The following KIF1A variants were observed in gnomAD, a reference collection of about 807,000 sequenced individuals.
KIF1A encodes the protein kinesin family member 1A.
In KIF1A, 46 loss-of-function variants were observed where a neutral mutation model predicts 227.3. The ratio of observed to expected loss-of-function variants is 0.20; its 90% CI spans 0.16 to 0.26. The LOEUF is 0.26. KIF1A is among the 10% of genes least tolerant of loss of function. The probability of loss-of-function intolerance (pLI) is 1.00; values close to 1 mark genes in which losing one functional copy is unlikely to be tolerated. For missense variants in KIF1A, 1,683 were observed against 2,485.9 expected (o/e 0.68, Z 6.87); for synonymous variants, 1,022 against 1,012.8 (o/e 1.01, Z -0.17).
intron 1 of KIF1A, among the ~76,000 whole-genome samples, chr2:240,819,158 C>T (rs2058541125): frequency 6.6e-6 from 1 of 152,168 alleles, no homozygotes; most frequent in South Asian, 2.1e-4. Flanking sequence ...GGGATGCTGC[C>T]CCGGCCCTTC....
intron 10 of KIF1A, among the ~76,000 whole-genome samples, chr2:240,780,633 A>G (rs536793463): frequency 6.6e-6 from 1 of 151,608 alleles, no homozygotes; most frequent in African/African-American, 2.4e-5. Context: ...GTTCCCACGC[A>G]GCTACCCTCA....
At chr2:240,794,149 C>T (rs534281563) in intron 2 of KIF1A, among the ~76,000 whole-genome samples, 33 of 152,316 alleles carry the variant, frequency 2.2e-4, no homozygotes, top group Admixed American at 2.0e-3. Context: ...AGGAGAAAAG[C>T]CCATGACCCC....
rs2048572188 is a variant in KIF1A, at chr2:240,746,152, A to C, written c.3089T>G (p.Val1030Gly). 1 of 1,566,138 alleles carries C rather than the reference A, an allele frequency of 6.4e-7. No individual in the cohort carries two copies. The highest frequency in any genetic ancestry group is 1.4e-5 in the African/African-American group (1 of 73,726). The change falls in exon 30 of 49, where the codon GTG becomes GGG. Residue 1030 changes from valine (V) to glycine (G), a missense_variant. Transcript: ENST00000498729. ...GGAGGTTCCCGAGCGGGACATCCCCACCACGGGGCAAGACTCGGACTGGAA... is the reference window on the plus strand; with the variant it reads ...GGAGGTTCCCGAGCGGGACATCCCCCCCACGGGGCAAGACTCGGACTGGAA... ...EKFQSESCPV[V>G]GMSRSGTSQE...
At chr2:240,786,540 G>A (rs2126072176) in intron 5 of KIF1A, 27 bp from the exon 6 acceptor site, 1 of 1,606,178 alleles carries the variant, frequency 6.2e-7, no homozygotes, top group East Asian at 2.2e-5. Context: ...GGCCATCAGG[G>A]GCCCCTGAGG....
chr2:240,735,309 C>T (rs887893373), intron 38 of KIF1A, among the ~76,000 whole-genome samples: 1 of 152,202 alleles, frequency 6.6e-6, no homozygotes, highest in Non-Finnish European at 1.5e-5. Flanking sequence ...ATGTCTCAGC[C>T]CTCAGGGTGT....
At chr2:240,729,089 G>C (rs2046335758) in intron 38 of KIF1A, among the ~76,000 whole-genome samples, 2 of 152,090 alleles carry the variant, frequency 1.3e-5, no homozygotes, top group African/African-American at 4.8e-5. Context: ...CATCATCACT[G>C]TCTGGTACAC....
intron 27 of KIF1A, among the ~76,000 whole-genome samples, chr2:240,755,045 C>G (rs1256407550): frequency 1.3e-5 from 2 of 152,206 alleles, no homozygotes; most frequent in African/African-American, 2.4e-5. Context: ...CTGTGCCCAC[C>G]CACCCTTCCT....
chr2:240,732,023 G>A (rs1382065676), intron 38 of KIF1A, among the ~76,000 whole-genome samples: 2 of 114,990 alleles, frequency 1.7e-5, no homozygotes, highest in African/African-American at 6.8e-5. Flanking sequence ...GAGGGAATGA[G>A]GGGAGGAGGG....
rs1347500667 is a variant in KIF1A at position 240,716,518 on chromosome 2, T to A, written c.*846A>T. 2 of 152,100 alleles carry A rather than the reference T, an allele frequency of 1.3e-5. No individual in the cohort carries two copies. Among genetic ancestry groups the A allele is most frequent in the African/African-American group, 2.4e-5 (1 of 41,346 alleles). The allele number at this position is 152,100 out of a possible 1,614,324, so 9.4% of individuals were successfully genotyped here. A position where few individuals can be genotyped will look rare whatever the true frequency, so the allele number is the denominator to read the frequency against. ...CCTCCTGGTCCCCGCCCAGGACAGATCACAGCCTGGGTGCCGTCTGCCTCA... is the reference window on the plus strand; with the variant it reads ...CCTCCTGGTCCCCGCCCAGGACAGAACACAGCCTGGGTGCCGTCTGCCTCA... On this transcript the variant is annotated 3_prime_UTR_variant, in exon 49 of 49. Coordinates refer to ENST00000498729, the MANE Select transcript of KIF1A (RefSeq NM_001244008.2).
chr2:240,783,641 G>T, intron 8 of KIF1A, 98 bp downstream of exon 8: 1 of 896,454 alleles, frequency 1.1e-6, no homozygotes. Context: ...CCCTCAGGGT[G>T]GCCCAGGCCC....
At chr2:240,735,386 A>ACCAGCTGGAGGACCAGCGGGAGG (rs71049517) in intron 38 of KIF1A, among the ~76,000 whole-genome samples, 28,621 of 152,060 alleles carry the variant, frequency 0.19, 3,028 homozygotes, top group Non-Finnish European at 0.24. Flanking sequence ...AGGTCCAGCC[A>ACCAGCTGGAGGACCAGCGGGAGG]TGAGCCGCTC....
intron 1 of KIF1A, 154 bp from the exon 2 acceptor site, chr2:240,797,966 C>T (rs762759975): frequency 2.2e-5 from 11 of 492,810 alleles, no homozygotes; most frequent in Non-Finnish European, 3.6e-5. Context: ...GAGGAGGCAG[C>T]GCAGATAATT....
In KIF1A at chr2:240,717,392, C is replaced by T; in HGVS notation, c.5348G>A (p.Arg1783Lys). Reference sequence around the variant, plus strand: ...GACCCGCATCTGGGCAGACCTCCTTCTGGAGAGCTTGGACCTGCAGAAGAG... The same window carrying T: ...GACCCGCATCTGGGCAGACCTCCTTTTGGAGAGCTTGGACCTGCAGAAGAG... ...LAGTIRSKLS[R>K]RRSAQMRV Residue 1783 changes from arginine (R) to lysine (K), a missense_variant, in exon 49 of 49, where the codon AGA (arginine) becomes AAA (lysine). Arg to Lys is a conservative substitution (Grantham distance 26, BLOSUM62 2). Transcript: ENST00000498729. 1 of 1,611,878 alleles carries T rather than the reference C, an allele frequency of 6.2e-7. No individual in the cohort carries two copies.
intron 44 of KIF1A, among the ~76,000 whole-genome samples, chr2:240,721,512 G>A (rs1242055540): frequency 6.6e-6 from 1 of 152,198 alleles, no homozygotes; most frequent in South Asian, 2.1e-4. Flanking sequence ...AGGCCACAGG[G>A]TGATGGCCAG....
chr2:240,717,982 G>A (rs2044758567), intron 48 of KIF1A, 68 bp downstream of exon 48: 3 of 1,004,528 alleles, frequency 3.0e-6, no homozygotes, highest in Middle Eastern at 2.3e-4. Context: ...CTATCAAATG[G>A]TCCTGGCCAG....
rs2052674912 is a variant in KIF1A, at chr2:240,775,974, A to C, written c.883-48T>G. On this transcript the variant is annotated intron_variant, in intron 10 of 48. Transcript: ENST00000498729. This position sits in a 1 kb window ranked among gnomAD's most constrained non-coding sequence, Gnocchi z 5.5. ...GTCAAGCCCGAGCCCACTGCAGAGGAAGCGAAAGGGAGGGGCCAGCGCAGG... is the reference window on the plus strand; with the variant it reads ...GTCAAGCCCGAGCCCACTGCAGAGGCAGCGAAAGGGAGGGGCCAGCGCAGG... 2 of 1,333,236 alleles carry C rather than the reference A, an allele frequency of 1.5e-6. No individual in the cohort carries two copies. Among genetic ancestry groups the C allele is most frequent in the Non-Finnish European group, 2.2e-6 (2 of 925,546 alleles). 82.6% of individuals were successfully genotyped at this position (1,333,236 alleles called of 1,614,324 possible).
chr2:240,722,322 C>T, intron 43 of KIF1A, 134 bp downstream of exon 43: 1 of 842,224 alleles, frequency 1.2e-6, no homozygotes, highest in Non-Finnish European at 1.8e-6. Context: ...CTAGGGACCC[C>T]TCAAGCTCCT....
chr2:240,747,795 G>A (rs1485860779), intron 28 of KIF1A, among the ~76,000 whole-genome samples: 2 of 152,136 alleles, frequency 1.3e-5, no homozygotes, highest in Admixed American at 1.3e-4. Context: ...AACTCCCCAG[G>A]CCTGCCGGTG....
chr2:240,772,619 G>A (rs756617595), intron 13 of KIF1A, 23 bp from the exon 14 acceptor site: 112 of 1,529,616 alleles, frequency 7.3e-5, no homozygotes, highest in Non-Finnish European at 9.8e-5. Flanking sequence ...GAAGCGTGGG[G>A]GAGGGGGAGA....
Sources: gnomAD v4.1 joint callset for allele counts (sites outside exome capture counted in the v4.1 genomes callset) on GRCh38, gnomAD v4.1.1 for gene constraint, Gnocchi (gnomAD v3.1) non-coding constraint, MANE v1.5 for transcripts, NCBI Gene and HGNC (gene_info 2026-07-23, HGNC 2026-07-21) for gene names.